TLK1: variants seen among roughly 807,000 people sequenced by gnomAD.
TLK1 encodes the protein tousled like kinase 1.
Under a neutral mutation model 105.3 loss-of-function variants are expected in TLK1, and 24 were observed. That is an observed-to-expected ratio of 0.23 (90% CI 0.17 to 0.32). TLK1 has a LOEUF of 0.32. TLK1 is among the 10% of genes least tolerant of loss of function. The pLI, the probability that TLK1 is intolerant of heterozygous loss-of-function variation, is 1.00. For missense variants in TLK1, 558 were observed against 910.5 expected (o/e 0.61, Z 4.98); for synonymous variants, 321 against 310.4 (o/e 1.03, Z -0.36).
intron 1 of TLK1, among the ~76,000 whole-genome samples, chr2:171,128,116 C>A (rs1420201402): frequency 6.6e-6 from 1 of 152,050 alleles, no homozygotes; most frequent in Non-Finnish European, 1.5e-5. Flanking sequence ...TTTGTTGCAA[C>A]CCTTACAGCA....
chr2:170,997,785 G>A lies in TLK1; in HGVS notation c.1943C>T (p.Pro648Leu). The change falls in exon 19 of 21, where the codon CCA becomes CTA. Residue 648 changes from proline to leucine, a missense_variant. Physicochemically the swap from Pro to Leu is moderately conservative, Grantham distance 98. Coordinates refer to ENST00000431350, the MANE Select transcript of TLK1 (RefSeq NM_012290.5). ...ATCAACCTTGTTGGAAATCTTTGGT[G>A]GCTCTTTTCCAACTACAAAACACTC... ...PPECFVVGKE[P>L]PKISNKVDVW... 6.2e-7 allele frequency: 1 copy of A among 1,610,510 alleles called. No homozygotes were observed. The highest frequency in any genetic ancestry group is 8.5e-7 in the Non-Finnish European group (1 of 1,177,944).
chr2:171,063,060 A>C (rs941764085), intron 3 of TLK1, among the ~76,000 whole-genome samples: 2 of 152,180 alleles, frequency 1.3e-5, no homozygotes, highest in Non-Finnish European at 2.9e-5. Context: ...AAGAACCCTA[A>C]ATCGGCCGGG....
upstream of TLK1, among the ~76,000 whole-genome samples, chr2:171,165,549 T>TG (rs1692590818): frequency 2.7e-5 from 4 of 148,404 alleles, no homozygotes; most frequent in African/African-American, 1.0e-4. Context: ...TTTATACTCT[T>TG]AACTTCTAAA....
chr2:171,216,675 G>T (rs1409961867), intron 1 of TLK1, among the ~76,000 whole-genome samples: 1 of 152,056 alleles, frequency 6.6e-6, no homozygotes, highest in Non-Finnish European at 1.5e-5. Flanking sequence ...TAGAAGTAGG[G>T]CCATTATAGT....
intron 1 of TLK1, among the ~76,000 whole-genome samples, chr2:171,143,700 A>T (rs1691682751): frequency 6.6e-6 from 1 of 152,164 alleles, no homozygotes; most frequent in Non-Finnish European, 1.5e-5. Flanking sequence ...ATTCAAATAT[A>T]GTTTTAAAAT....
intron 1 of TLK1, among the ~76,000 whole-genome samples, chr2:171,138,750 T>C (rs1239558608): frequency 6.6e-6 from 1 of 152,164 alleles, no homozygotes; most frequent in Admixed American, 6.5e-5. Flanking sequence ...TAAAATAACA[T>C]GTAATACCAC....
At chr2:171,121,678 T>C (rs1335836025) in intron 1 of TLK1, among the ~76,000 whole-genome samples, 2 of 152,362 alleles carry the variant, frequency 1.3e-5, no homozygotes, top group East Asian at 1.9e-4. Context: ...TGCTATATAC[T>C]ATGCCTACTC....
intron 12 of TLK1, 138 bp downstream of exon 12, chr2:171,028,201 T>C (rs1044459921): frequency 1.8e-5 from 12 of 659,868 alleles, no homozygotes; most frequent in Non-Finnish European, 3.2e-5. Flanking sequence ...CTTTAATGCA[T>C]CTCTTTTTAA....
intron 2 of TLK1, among the ~76,000 whole-genome samples, chr2:171,117,348 C>T (rs990216280): frequency 6.6e-6 from 1 of 152,186 alleles, no homozygotes; most frequent in Admixed American, 6.5e-5. Context: ...ACTAACAGGA[C>T]TGGTACTGGT....
chr2:171,213,323 C>T (rs2105326720), intron 1 of TLK1, among the ~76,000 whole-genome samples: 1 of 151,908 alleles, frequency 6.6e-6, no homozygotes, highest in Admixed American at 6.6e-5. Context: ...CAACCTCAGC[C>T]TGCCAGGTAG....
chr2:171,222,335 A>T (rs908407338), intron 1 of TLK1, among the ~76,000 whole-genome samples: 1 of 151,914 alleles, frequency 6.6e-6, no homozygotes, highest in Admixed American at 6.6e-5. Context: ...TTTTTTATTT[A>T]TTTATTTATT....
At chr2:171,217,801 G>C (rs1189301817) in intron 1 of TLK1, among the ~76,000 whole-genome samples, 2 of 152,174 alleles carry the variant, frequency 1.3e-5, no homozygotes, top group Middle Eastern at 3.2e-3. Context: ...TTTTTATAAA[G>C]CAATAACAAA....
At chr2:171,067,033 T>C (rs770021186) in intron 3 of TLK1, 115 of 1,469,604 alleles carry the variant, frequency 7.8e-5, no homozygotes, top group Non-Finnish European at 9.2e-5. Flanking sequence ...CACAATGGAG[T>C]AACATACTCC....
intron 2 of TLK1, among the ~76,000 whole-genome samples, chr2:171,113,204 C>A (rs1370193409): frequency 3.3e-5 from 5 of 151,694 alleles, no homozygotes; most frequent in Non-Finnish European, 4.4e-5. Context: ...ACACAGATCA[C>A]TGAAACATCA....
intron 3 of TLK1, among the ~76,000 whole-genome samples, chr2:171,076,979 T>G (rs1196852536): frequency 6.6e-6 from 1 of 152,184 alleles, no homozygotes; most frequent in Admixed American, 6.5e-5. Flanking sequence ...GGCTCTTATC[T>G]TCATAAAATA....
intron 2 of TLK1, among the ~76,000 whole-genome samples, chr2:171,116,759 T>C (rs757209706): frequency 1.3e-5 from 2 of 151,852 alleles, no homozygotes; most frequent in East Asian, 3.9e-4. Flanking sequence ...AACAAGAAGA[T>C]ATTTTATACT....
intron 2 of TLK1, among the ~76,000 whole-genome samples, chr2:171,088,069 A>C (rs977746691): frequency 1.3e-5 from 2 of 152,034 alleles, no homozygotes; most frequent in African/African-American, 4.8e-5. Flanking sequence ...GGTGGCTCAC[A>C]CCTATAATCC....
intron 2 of TLK1, among the ~76,000 whole-genome samples, chr2:171,103,798 T>C (rs990245931): frequency 6.6e-6 from 1 of 152,188 alleles, no homozygotes; most frequent in African/African-American, 2.4e-5. Flanking sequence ...TATTCCTCCT[T>C]CTACATTCTA....
At chr2:171,215,955 T>C (rs936639170) in intron 1 of TLK1, among the ~76,000 whole-genome samples, 5 of 152,206 alleles carry the variant, frequency 3.3e-5, no homozygotes, top group African/African-American at 9.6e-5. Context: ...CTAACACATA[T>C]CAAGATTCTC....
Sources: allele counts gnomAD v4.1 joint callset (sites outside exome capture counted in the v4.1 genomes callset), GRCh38; gene constraint gnomAD v4.1.1; transcripts MANE v1.5; gene names NCBI Gene and HGNC (gene_info 2026-07-23, HGNC 2026-07-21).